COG3: variants seen among roughly 807,000 people sequenced by gnomAD.
COG3 encodes the protein conserved oligomeric Golgi complex subunit 3.
Under a neutral mutation model 114.1 loss-of-function variants are expected in COG3, and 32 were observed. The ratio of observed to expected loss-of-function variants is 0.28; its 90% confidence interval spans 0.21 to 0.38. The LOEUF (loss-of-function observed/expected upper bound fraction) is 0.38, where lower values mean the gene tolerates loss of function less well. Ranked by LOEUF, COG3 falls within the 10% of genes least tolerant of loss-of-function variation. COG3 has a pLI of 1.00. For synonymous variants in COG3, 352 were observed against 365.7 expected (o/e 0.96, Z 0.43); for missense variants, 813 against 973.2 (o/e 0.84, Z 2.19).
chr13:45,535,510 A>G lies in COG3; in HGVS notation c.*779A>G. ...CGAAGTACCAATTAAGGTGTCTTAA[A>G]TTTGGCGCATAGAGGAGAGAAGGAA... is the stretch of plus-strand genomic sequence containing the variant. On this transcript the variant is annotated 3_prime_UTR_variant, in exon 23 of 23. Transcript: ENST00000349995. 3.0e-6 allele frequency: 3 copies of G among 985,556 alleles called. No homozygotes were observed. Among genetic ancestry groups the G allele is most frequent in the Non-Finnish European group, 3.6e-6 (3 of 830,040 alleles). The allele number at this position is 985,556 out of a possible 1,614,324, so 61.1% of individuals were successfully genotyped here.
At chr13:45,480,391 A>C (rs1018966954) in intron 4 of COG3, 101 bp downstream of exon 4, 3 of 852,656 alleles carry the variant, frequency 3.5e-6, no homozygotes, top group South Asian at 4.6e-5. Context: ...AAGATGTTCA[A>C]CTCTGCTGTG....
rs761611733 is a variant in COG3, at chr13:45,518,829, C to T, written c.1998C>T (p.Ala666=). ...PRFFRLNSNN[A]LIEFLLEGTP... ...TTTTTAGGCTGAATAGCAACAATGC[C>T]TTGATAGAGTTCTTGTTGGAGGTGA... The change falls in exon 18 of 23, where the codon GCC becomes GCT. Residue 666 remains alanine, a synonymous_variant. Transcript: ENST00000349995. 1.9e-6 allele frequency: 3 copies of T among 1,613,816 alleles called. No individual in the cohort carries two copies. In the South Asian group the frequency reaches 3.3e-5, roughly 18 times the overall value.
At chr13:45,522,815 T>G (rs1566271557) in intron 19 of COG3, among the ~76,000 whole-genome samples, 1 of 152,196 alleles carries the variant, frequency 6.6e-6, no homozygotes, top group Non-Finnish European at 1.5e-5. Context: ...TGATACTTTT[T>G]TATCGTTCTA....
At chr13:45,465,281 C>G in intron 1 of COG3, 71 bp downstream of exon 1, 2 of 1,566,692 alleles carry the variant, frequency 1.3e-6, no homozygotes, top group Middle Eastern at 2.1e-4. Flanking sequence ...CGGCAGGACC[C>G]CGGCCTCACT....
In COG3 at chr13:45,465,196, C is replaced by A; in HGVS notation, c.160C>A (p.Pro54Thr). 1 of 1,613,508 alleles carries A rather than the reference C, an allele frequency of 6.2e-7. No individual in the cohort carries two copies. Among genetic ancestry groups the A allele is most frequent in the Non-Finnish European group, 8.5e-7 (1 of 1,179,852 alleles). ...LELKAAAENL[P>T]VPAELPIEDL... ...GCTGAAGGCGGCGGCAGAGAACTTG[C>A]CGGTGCCAGCTGAGGTGAGGTGATG... Residue 54 changes from proline to threonine, a missense_variant, in exon 1 of 23, where the codon CCG (proline) becomes ACG (threonine). Transcript: ENST00000349995.
In COG3 at chr13:45,509,814, G is replaced by A. The variant is rs1255036483; in HGVS notation, c.1717G>A (p.Asp573Asn). 6 of 1,605,586 alleles carry A rather than the reference G, an allele frequency of 3.7e-6. No individual in the cohort carries two copies. In the East Asian group the frequency reaches 1.3e-4, roughly 36 times the overall value. ...VCLSKLYRCI[D>N]RAVFQGLSQE... ...TCTCTCCAAATTATACAGATGCATA[G>A]ATGTACGTGTATCTTTACTGTGAAT... Residue 573 changes from aspartate (D) to asparagine (N), a missense_variant and splice_region_variant, in exon 15 of 23, where the codon GAT (aspartate) becomes AAT (asparagine). By Grantham distance (23) the Asp-to-Asn change is conservative. This residue lies in a region of COG3 where 389 missense variants were observed against 542.6 expected (regional missense o/e 0.72). Coordinates refer to ENST00000349995, the MANE Select transcript of COG3 (RefSeq NM_031431.4).
In COG3 at chr13:45,534,544, A is replaced by G. The variant is rs9652191; in HGVS notation, c.2458-158A>G. On this transcript the variant is annotated intron_variant, in intron 22 of 22. Coordinates refer to ENST00000349995, the MANE Select transcript of COG3 (RefSeq NM_031431.4). ...TGCTTTATTTTATTTTTCAACTTTT[A>G]TTTTAGATTCAAGGGGTACATACAT... The G allele has an allele frequency of 0.083, 34,990 of 423,634 alleles. 1,801 individuals carry two copies. The highest frequency in any genetic ancestry group is 0.19 in the African/African-American group (8,954 of 48,260). 26.2% of individuals were successfully genotyped at this position (423,634 alleles called of 1,614,324 possible).
chr13:45,485,133 G>T (rs1566247279), intron 7 of COG3, among the ~76,000 whole-genome samples: 1 of 149,802 alleles, frequency 6.7e-6, no homozygotes, highest in Admixed American at 6.6e-5. Context: ...CCCAGACGGG[G>T]CGGTGGCCGG....
At position 45,528,796 on chromosome 13, in the gene COG3, C is replaced by A. The variant is rs1322436756; in HGVS notation, c.2231-995C>A. ...CTATAGCATGATTTCTTTTGTAATTCTTGTAATGGAAACCTAAATTATTTG... is the reference window on the plus strand; with the variant it reads ...CTATAGCATGATTTCTTTTGTAATTATTGTAATGGAAACCTAAATTATTTG... On this transcript the variant is annotated intron_variant, in intron 20 of 22. Transcript: ENST00000349995. Among the ~76,000 whole-genome samples the A allele has an allele frequency of 2.0e-5, 3 of 152,198 alleles. No homozygotes were observed. The East Asian group carries it at 5.8e-4, about 29-fold the overall frequency.
rs974605274 is a variant in COG3, at chr13:45,483,108, T to C, written c.718-122T>C. 1.6e-5 allele frequency: 10 copies of C among 618,976 alleles called. No individual in the cohort carries two copies. The East Asian group carries it at 3.0e-4, about 19-fold the overall frequency. 38.3% of individuals were successfully genotyped at this position (618,976 alleles called of 1,614,324 possible). A position where few individuals can be genotyped will look rare whatever the true frequency, so the allele number is the denominator to read the frequency against. On this transcript the variant is annotated intron_variant, in intron 6 of 22. Coordinates refer to ENST00000349995, the MANE Select transcript of COG3 (RefSeq NM_031431.4). Reference sequence around the variant, plus strand: ...TTCATCTTCATGGAGTTTATGATCTTTATGAAACCTGTTTTTGAACTTTAT... The same window carrying C: ...TTCATCTTCATGGAGTTTATGATCTCTATGAAACCTGTTTTTGAACTTTAT...
chr13:45,476,296 G>GGGCTT lies in COG3; in HGVS notation c.271_275dup (p.Phe92LeufsTer6). ...AATCTACAGAAGACATTCTCTTGAA[G>GGGCTT]GGCTTCACTTCCTTAGGAATGGAAG... On this transcript the variant is annotated frameshift_variant, in exon 2 of 23. Transcript: ENST00000349995. LOFTEE classifies it high-confidence loss of function. 1 of 1,613,796 alleles carries GGGCTT rather than the reference G, an allele frequency of 6.2e-7. No homozygotes were observed. Among genetic ancestry groups the GGGCTT allele is most frequent in the Non-Finnish European group, 8.5e-7 (1 of 1,179,786 alleles).
At chr13:45,516,059 A>T in intron 16 of COG3, 84 bp from the exon 17 acceptor site, 1 of 976,552 alleles carries the variant, frequency 1.0e-6, no homozygotes, top group Non-Finnish European at 1.4e-6. Context: ...TAGGTAGATT[A>T]ATGTTGATTA....
rs778357636 is a variant in COG3 at position 45,503,238 on chromosome 13, A to G, written c.1489-6A>G. ...CGGTAACATTCCTTCTGATTTCTTT[A>G]TACAGCAGATTGCACAGAGTTTGAA... On this transcript the variant is annotated splice_region_variant and splice_polypyrimidine_tract_variant and intron_variant, in intron 13 of 22. Coordinates refer to ENST00000349995, the MANE Select transcript of COG3 (RefSeq NM_031431.4). 6 of 1,440,534 alleles carry G rather than the reference A, an allele frequency of 4.2e-6. No individual in the cohort carries two copies. In the East Asian group the frequency reaches 1.4e-4, roughly 33 times the overall value. The allele number at this position is 1,440,534 out of a possible 1,614,324, so 89.2% of individuals were successfully genotyped here.
chr13:45,506,420 CAG>C (rs1870153729), intron 14 of COG3, among the ~76,000 whole-genome samples: 1 of 151,932 alleles, frequency 6.6e-6, no homozygotes, highest in Non-Finnish European at 1.5e-5. Context: ...TTTGCGTAAA[CAG>C]GTGAGAAGAT....
intron 19 of COG3, among the ~76,000 whole-genome samples, chr13:45,522,767 T>C (rs1872298302): frequency 6.6e-6 from 1 of 152,220 alleles, no homozygotes; most frequent in South Asian, 2.1e-4. Context: ...ATGAAAACAT[T>C]TGGCTTAGAT....
At chr13:45,473,257 G>T (rs1351022742) in intron 1 of COG3, among the ~76,000 whole-genome samples, 5 of 152,134 alleles carry the variant, frequency 3.3e-5, no homozygotes, top group African/African-American at 1.2e-4. Context: ...TCCTGGAGGT[G>T]CCTGTCGCTC....
At chr13:45,532,663 G>A (rs1232409676) in intron 22 of COG3, among the ~76,000 whole-genome samples, 1 of 147,538 alleles carries the variant, frequency 6.8e-6, no homozygotes, top group Non-Finnish European at 1.5e-5. Context: ...TCCGCCTCCC[G>A]GGTTCATGCC....
chr13:45,518,893 A>G, intron 18 of COG3, 43 bp downstream of exon 18: 1 of 1,611,288 alleles, frequency 6.2e-7, no homozygotes. Context: ...GATAAACGAC[A>G]TTCTTTACAT....
chr13:45,466,665 T>G (rs1410449628), intron 1 of COG3: 1 of 152,218 alleles, frequency 6.6e-6, no homozygotes. Flanking sequence ...TGGCTCCTAC[T>G]GCAGCAGGAT....
Sources: allele counts gnomAD v4.1 joint callset (sites outside exome capture counted in the v4.1 genomes callset), GRCh38; gene constraint gnomAD v4.1.1; regional missense constraint gnomAD v4.1.1; transcripts MANE v1.5; gene names NCBI Gene and HGNC (gene_info 2026-07-23, HGNC 2026-07-21).